Variants in CREB3L2 observed in about 807,000 individuals in gnomAD.
CREB3L2 encodes the protein cAMP responsive element binding protein 3 like 2.
In CREB3L2, 23 loss-of-function variants were observed where a neutral mutation model predicts 57.2. That is an observed-to-expected ratio of 0.40 (90% CI 0.29 to 0.57). The LOEUF (loss-of-function observed/expected upper bound fraction) is 0.57. CREB3L2 is among the 20% of genes least tolerant of loss of function. The pLI, the probability that CREB3L2 is intolerant of heterozygous loss-of-function variation, is 0.42. For synonymous variants in CREB3L2, 268 were observed against 265.1 expected, an observed-to-expected ratio of 1.01 and a Z score of -0.11; for missense variants, 628 against 634.7, an observed-to-expected ratio of 0.99 and a Z score of 0.11.
chr7:137,956,497 C>A, intron 1 of CREB3L2: 2 of 564,484 alleles, frequency 3.5e-6, no homozygotes, highest in Non-Finnish European at 5.8e-6. Flanking sequence ...TAAATCAAAT[C>A]TGAGCTCTCT....
intron 1 of CREB3L2, among the ~76,000 whole-genome samples, chr7:137,949,860 C>T (rs1238116931): frequency 2.6e-5 from 4 of 152,118 alleles, no homozygotes; most frequent in African/African-American, 9.7e-5. Context: ...AACTCCAGGC[C>T]GAGTTGCTGG....
chr7:137,982,939 G>A (rs943127148), intron 1 of CREB3L2, among the ~76,000 whole-genome samples: 1 of 152,170 alleles, frequency 6.6e-6, no homozygotes, highest in Admixed American at 6.5e-5. Context: ...GACATAGTGA[G>A]AAGATGGCCA....
chr7:137,885,625 A>G (rs1799402119), intron 8 of CREB3L2, 123 bp from the exon 9 acceptor site: 1 of 726,370 alleles, frequency 1.4e-6, no homozygotes, highest in Admixed American at 2.4e-5. Context: ...GCCCCAAGGG[A>G]CAGTTTCCTC....
At chr7:137,975,415 G>A (rs990431237) in intron 1 of CREB3L2, among the ~76,000 whole-genome samples, 6 of 152,170 alleles carry the variant, frequency 3.9e-5, no homozygotes, top group Non-Finnish European at 7.3e-5. Flanking sequence ...CTCCCAGGCG[G>A]GCTGACACAC....
chr7:137,922,736 C>T (rs1434921892), intron 2 of CREB3L2: 1 of 413,080 alleles, frequency 2.4e-6, no homozygotes, highest in Non-Finnish European at 5.0e-6. Context: ...GGAGGGCGGA[C>T]CGTACATCCA....
chr7:137,973,011 A>G (rs916445722), intron 1 of CREB3L2, among the ~76,000 whole-genome samples: 1 of 151,526 alleles, frequency 6.6e-6, no homozygotes, highest in Non-Finnish European at 1.5e-5. Context: ...CCTCTATGAA[A>G]ATATTTACAC....
At chr7:137,942,629 AAT>A (rs1208549217) in intron 1 of CREB3L2, among the ~76,000 whole-genome samples, 1 of 152,226 alleles carries the variant, frequency 6.6e-6, no homozygotes, top group African/African-American at 2.4e-5. Context: ...AAAGACCATA[AAT>A]AGAATCTAGT....
At chr7:137,944,696 T>G (rs1755679851) in intron 1 of CREB3L2, among the ~76,000 whole-genome samples, 1 of 152,212 alleles carries the variant, frequency 6.6e-6, no homozygotes, top group African/African-American at 2.4e-5. Context: ...TAGAAAACTA[T>G]CTGTTAATAT....
chr7:137,896,715 C>T (rs28601725), intron 8 of CREB3L2, among the ~76,000 whole-genome samples: 2,653 of 152,192 alleles, frequency 0.017, 70 homozygotes, highest in African/African-American at 0.058. Context: ...AGAGGTGAGT[C>T]TTGAAGAGGG....
At position 137,954,308 on chromosome 7, in the gene CREB3L2, C is replaced by T. The variant is rs79185179; in HGVS notation, c.103-25942G>A. ...TTCCTGAAAAAGAAAGACTAGTAAT[C>T]CTAGGGACATAATCCACAGCTTACA... is the stretch of plus-strand genomic sequence containing the variant. On this transcript the variant is annotated intron_variant, in intron 1 of 11. Coordinates refer to ENST00000330387, the MANE Select transcript of CREB3L2 (RefSeq NM_194071.4). 7.4e-3 allele frequency among the ~76,000 whole-genome samples: 1,128 copies of T among 152,010 alleles called. 13 individuals carry two copies. The highest frequency in any genetic ancestry group is 0.026 in the African/African-American group (1,078 of 41,470).
chr7:137,965,430 A>G (rs545831690), intron 1 of CREB3L2, among the ~76,000 whole-genome samples: 1 of 152,348 alleles, frequency 6.6e-6, no homozygotes, highest in South Asian at 2.1e-4. Context: ...ATTAAATCGA[A>G]TCAATGACAA....
intron 1 of CREB3L2, among the ~76,000 whole-genome samples, chr7:137,992,464 T>A (rs1801916593): frequency 6.6e-6 from 1 of 152,170 alleles, no homozygotes; most frequent in South Asian, 2.1e-4. Context: ...AGGATCAACA[T>A]CCCAGCTCTT....
intron 1 of CREB3L2, among the ~76,000 whole-genome samples, chr7:137,928,726 T>A (rs1225965915): frequency 6.6e-6 from 1 of 152,108 alleles, no homozygotes; most frequent in East Asian, 1.9e-4. Flanking sequence ...CTTCCTCCCA[T>A]GATGGCAGAA....
intron 1 of CREB3L2, among the ~76,000 whole-genome samples, chr7:137,973,376 G>T (rs975195517): frequency 4.6e-5 from 7 of 152,062 alleles, no homozygotes; most frequent in East Asian, 1.9e-4. Context: ...GTTCAGTACC[G>T]CACCAAGGAA....
chr7:137,887,071 A>G (rs1799435382), intron 8 of CREB3L2, among the ~76,000 whole-genome samples: 1 of 152,172 alleles, frequency 6.6e-6, no homozygotes. Context: ...GGATTCTCGG[A>G]AAATGTGTGC....
In CREB3L2 at chr7:137,881,361, A is replaced by G. The variant is rs115675456; in HGVS notation, c.1488-810T>C. ...GAGCATTGACATGACGCTCAAAGGA[A>G]ATGCTCACTGAAGCATTTTGCATTT... On this transcript the variant is annotated intron_variant, in intron 11 of 11. Transcript: ENST00000330387. Among the ~76,000 whole-genome samples, 1,392 of 152,308 alleles carry G rather than the reference A, an allele frequency of 9.1e-3. 27 individuals are homozygous for G. The highest frequency in any genetic ancestry group is 0.032 in the African/African-American group (1,330 of 41,556).
chr7:137,988,062 C>G (rs1040929639), intron 1 of CREB3L2, among the ~76,000 whole-genome samples: 2 of 152,238 alleles, frequency 1.3e-5, no homozygotes, highest in Non-Finnish European at 2.9e-5. Context: ...GCCCTTTCCT[C>G]CCTGTGCAGT....
rs1802066955 is a variant in CREB3L2, at chr7:138,001,130, T to C, written c.102+474A>G. ...ACACACACACACACACACACACGTG[T>C]ACTTTTTAAAATATAAATATGAAAG... On this transcript the variant is annotated intron_variant, in intron 1 of 11. Coordinates refer to ENST00000330387, the MANE Select transcript of CREB3L2 (RefSeq NM_194071.4). This position sits in a 1 kb window ranked among gnomAD's most constrained non-coding sequence, Gnocchi z 4.2. 8.8e-6 allele frequency among the ~76,000 whole-genome samples: 1 copy of C among 114,088 alleles called. No homozygotes were observed. Among genetic ancestry groups the C allele is most frequent in the African/African-American group, 2.9e-5 (1 of 34,374 alleles). 74.8% of individuals were successfully genotyped at this position (114,088 alleles called of 152,430 possible).
In CREB3L2 at chr7:137,908,349, A is replaced by G; in HGVS notation, c.671T>C (p.Leu224Pro). The G allele has an allele frequency of 7.9e-7, 1 of 1,258,800 alleles. No homozygotes were observed. The highest frequency in any genetic ancestry group is 1.0e-6 in the Non-Finnish European group (1 of 993,266). 78.0% of individuals were successfully genotyped at this position (1,258,800 alleles called of 1,614,324 possible). A position where few individuals can be genotyped will look rare whatever the true frequency, so the allele number is the denominator to read the frequency against. ...GGTCTGAGGCAGGCTGAAGGGGTGC[A>G]GGCGTGGGTTGGGACTCAGGCTGCC... Reference protein sequence around the residue: ...SEGSLSPNPRLHPFSLPQTHS... With the variant: ...SEGSLSPNPRPHPFSLPQTHS... Residue 224 changes from leucine (L) to proline (P), a missense_variant, in exon 5 of 12, where the codon CTG becomes CCG. Physicochemically the swap from Leu to Pro is moderately conservative, Grantham distance 98. This residue lies in a region of CREB3L2 where 339 missense variants were observed against 355.4 expected (regional missense o/e 0.95). Transcript: ENST00000330387.
Sources: gnomAD v4.1 joint callset for allele counts (sites outside exome capture counted in the v4.1 genomes callset) on GRCh38, gnomAD v4.1.1 for gene constraint, gnomAD v4.1.1 regional missense constraint, Gnocchi (gnomAD v3.1) non-coding constraint, MANE v1.5 for transcripts, NCBI Gene and HGNC (gene_info 2026-07-23, HGNC 2026-07-21) for gene names.